Variants in CHRM3 observed in about 807,000 individuals in gnomAD.
CHRM3 encodes cholinergic receptor muscarinic 3, also known as muscarinic acetylcholine receptor M3.
In CHRM3, 11 loss-of-function variants were observed where a neutral mutation model predicts 41.8. That is an observed-to-expected ratio of 0.26 (90% CI 0.17 to 0.44). CHRM3 has a LOEUF of 0.44. Ranked by LOEUF, CHRM3 falls within the 20% of genes least tolerant of loss-of-function variation. The pLI, the probability that CHRM3 is intolerant of heterozygous loss-of-function variation, is 1.00. For missense variants in CHRM3, 571 were observed against 745.4 expected (o/e 0.77, Z 2.72); for synonymous variants, 297 against 301.4 (o/e 0.99, Z 0.15).
chr1:239,608,352 G>C (rs1161230499), intron 3 of CHRM3, among the ~76,000 whole-genome samples: 2 of 152,078 alleles, frequency 1.3e-5, no homozygotes, highest in Non-Finnish European at 2.9e-5. Context: ...TTCAAAGGTT[G>C]CTTTGCTTTT....
intron 2 of CHRM3, among the ~76,000 whole-genome samples, chr1:239,525,371 C>G (rs955389132): frequency 6.6e-6 from 1 of 152,294 alleles, no homozygotes; most frequent in Admixed American, 6.5e-5. Flanking sequence ...ATATTTACTT[C>G]CCTAGCACAT....
At chr1:239,846,449 G>A (rs1674270233) in intron 6 of CHRM3, among the ~76,000 whole-genome samples, 1 of 152,092 alleles carries the variant, frequency 6.6e-6, no homozygotes, top group Admixed American at 6.6e-5. Context: ...TCACAGAAAG[G>A]ATTCTCGGTC....
chr1:239,658,163 A>C (rs1009516308), intron 4 of CHRM3, among the ~76,000 whole-genome samples: 1 of 152,196 alleles, frequency 6.6e-6, no homozygotes, highest in East Asian at 1.9e-4. Context: ...CTAGTCTTTT[A>C]ATCTGAGTGA....
At chr1:239,903,499 G>C (rs977851238) in intron 6 of CHRM3, among the ~76,000 whole-genome samples, 1 of 152,202 alleles carries the variant, frequency 6.6e-6, no homozygotes, top group African/African-American at 2.4e-5. Flanking sequence ...AAATGAGCTT[G>C]TGCTGATATT....
intron 5 of CHRM3, among the ~76,000 whole-genome samples, chr1:239,720,410 A>C (rs972203858): frequency 3.3e-5 from 5 of 152,046 alleles, no homozygotes; most frequent in South Asian, 4.1e-4. Context: ...CTGAAACCCC[A>C]AAAAAACCTA....
chr1:239,846,667 A>T (rs903105366), intron 6 of CHRM3, among the ~76,000 whole-genome samples: 2 of 152,212 alleles, frequency 1.3e-5, no homozygotes, highest in South Asian at 4.1e-4. Context: ...ACCCAAGGAT[A>T]TTAAGAAATG....
At chr1:239,636,586 G>C (rs1558404051) in intron 4 of CHRM3, among the ~76,000 whole-genome samples, 1 of 152,148 alleles carries the variant, frequency 6.6e-6, no homozygotes, top group Non-Finnish European at 1.5e-5. Flanking sequence ...ACAGCTGTTT[G>C]TAAAATATTT....
intron 3 of CHRM3, among the ~76,000 whole-genome samples, chr1:239,557,383 C>G (rs191610372): frequency 6.8e-4 from 104 of 152,168 alleles, no homozygotes; most frequent in Non-Finnish European, 1.3e-3. Flanking sequence ...GTAATCATTC[C>G]CCTTGGCATT....
chr1:239,531,910 G>T (rs545188027), intron 2 of CHRM3, among the ~76,000 whole-genome samples: 1 of 150,124 alleles, frequency 6.7e-6, no homozygotes, highest in East Asian at 2.0e-4. Flanking sequence ...CTCCGCGCTT[G>T]GGCCTCCCAA....
chr1:239,523,602 CTTG>C (rs1250020642), intron 2 of CHRM3, among the ~76,000 whole-genome samples: 5 of 152,144 alleles, frequency 3.3e-5, no homozygotes, highest in Admixed American at 6.5e-5. Context: ...ATGACCCTCT[CTTG>C]TTGTCATATT....
Position 239,908,082 on chromosome 1 carries a change from G to C in CHRM3, c.631G>C (p.Val211Leu). 1 of 1,614,166 alleles carries C rather than the reference G, an allele frequency of 6.2e-7. No individual in the cohort carries two copies. Among genetic ancestry groups the C allele is most frequent in the Admixed American group, 1.7e-5 (1 of 60,030 alleles). ...TGCCATCTTGTTCTGGCAATACTTT[G>C]TTGGAAAGAGAACTGTGCCTCCGGG... The part of the protein sequence containing the change: ...APAILFWQYF[V>L]GKRTVPPGEC... The change falls in exon 7 of 7, where the codon GTT becomes CTT. Residue 211 changes from valine (V) to leucine (L), a missense_variant. Val to Leu is a conservative substitution (Grantham distance 32). Coordinates refer to ENST00000676153, the MANE Select transcript of CHRM3 (RefSeq NM_001375978.1). This position sits in a 1 kb window ranked among gnomAD's most constrained non-coding sequence, Gnocchi z 7.2.
At chr1:239,742,091 CGT>C (rs1272346626) in intron 5 of CHRM3, among the ~76,000 whole-genome samples, 3 of 10,170 alleles carry the variant, frequency 2.9e-4, no homozygotes, top group Admixed American at 2.0e-3. Flanking sequence ...AGCATGCATA[CGT>C]TTTTTTTTTT....
chr1:239,498,184 T>C (rs1483511216), intron 2 of CHRM3, among the ~76,000 whole-genome samples: 1 of 152,146 alleles, frequency 6.6e-6, no homozygotes, highest in African/African-American at 2.4e-5. Flanking sequence ...AACTTTTTGT[T>C]TATCATATAT....
chr1:239,861,612 G>A (rs1189582787), intron 6 of CHRM3, among the ~76,000 whole-genome samples: 1 of 152,128 alleles, frequency 6.6e-6, no homozygotes, highest in Admixed American at 6.5e-5. Context: ...ACCAAGTTGG[G>A]CAAGGTTGGG....
At chr1:239,446,055 A>AGAG (rs1370731177) in intron 1 of CHRM3, among the ~76,000 whole-genome samples, 1 of 152,006 alleles carries the variant, frequency 6.6e-6, no homozygotes, top group Non-Finnish European at 1.5e-5. Context: ...CTCCTGCCTC[A>AGAG]GCCTCTGAGT....
At chr1:239,766,145 GC>G (rs1667187469) in intron 5 of CHRM3, among the ~76,000 whole-genome samples, 1 of 152,086 alleles carries the variant, frequency 6.6e-6, no homozygotes. Context: ...AAAAATAAGT[GC>G]CAGATCTGGG....
intron 2 of CHRM3, among the ~76,000 whole-genome samples, chr1:239,538,966 G>A (rs773585567): frequency 5.3e-5 from 8 of 152,042 alleles, no homozygotes; most frequent in African/African-American, 7.2e-5. Flanking sequence ...AACAAAGAGA[G>A]AAAAAAGACT....
At chr1:239,877,338 T>C (rs1422621048) in intron 6 of CHRM3, among the ~76,000 whole-genome samples, 4 of 151,942 alleles carry the variant, frequency 2.6e-5, no homozygotes, top group Admixed American at 1.3e-4. Flanking sequence ...TCCCAGCTAA[T>C]AGGGAGGCTG....
intron 4 of CHRM3, among the ~76,000 whole-genome samples, chr1:239,673,187 C>T (rs1674548643): frequency 6.6e-6 from 1 of 152,138 alleles, no homozygotes; most frequent in African/African-American, 2.4e-5. Context: ...TGGGAGAATT[C>T]TGCAGCTCAG....
Sources: allele counts gnomAD v4.1 joint callset (sites outside exome capture counted in the v4.1 genomes callset), GRCh38; gene constraint gnomAD v4.1.1; non-coding constraint Gnocchi (gnomAD v3.1); transcripts MANE v1.5; gene names NCBI Gene and HGNC (gene_info 2026-07-23, HGNC 2026-07-21).